The following RPS27L variants were observed in gnomAD, a reference collection of about 807,000 sequenced individuals.
RPS27L encodes ribosomal protein S27 like, also known as ribosomal protein eS27-like.
Under a neutral mutation model 12.8 loss-of-function variants are expected in RPS27L, and 10 were observed. The ratio of observed to expected loss-of-function variants is 0.78; its 90% CI spans 0.48 to 1.33. RPS27L has a LOEUF of 1.33. RPS27L is among the 40% of genes most tolerant of loss of function. RPS27L has a pLI of 0.00. For synonymous variants in RPS27L, 26 were observed against 32.3 expected, an observed-to-expected ratio of 0.81 and a Z score of 0.66; for missense variants, 81 against 97.4, an observed-to-expected ratio of 0.83 and a Z score of 0.71.
At chr15:63,155,598 T>G in intron 3 of RPS27L, 23 bp downstream of exon 3, 1 of 1,449,114 alleles carries the variant, frequency 6.9e-7, no homozygotes, top group Non-Finnish European at 9.6e-7. Context: ...CATCACTGGG[T>G]TGGAGAATGC....
In RPS27L at chr15:63,149,711, C is replaced by T. The variant is rs749865254; in HGVS notation, c.*4321G>A. The T allele has an allele frequency of 3.3e-5, 5 of 152,130 alleles. No individual in the cohort carries two copies. Among genetic ancestry groups the T allele is most frequent in the African/African-American group, 4.8e-5 (2 of 41,420 alleles). 9.4% of individuals were successfully genotyped at this position (152,130 alleles called of 1,614,324 possible). ...TAATGGCCCTCTAAAGATTCCCACA[C>T]CCTAATCCCCAGAACCTACGAATAT... is the stretch of plus-strand genomic sequence containing the variant. On this transcript the variant is annotated 3_prime_UTR_variant, in exon 4 of 4. Transcript: ENST00000330964.
chr15:63,156,539 T>C lies in RPS27L; in HGVS notation c.7-18A>G. 1 of 1,433,308 alleles carries C rather than the reference T, an allele frequency of 7.0e-7. No individual in the cohort carries two copies. Among genetic ancestry groups the C allele is most frequent in the African/African-American group, 1.4e-5 (1 of 71,030 alleles). 88.8% of individuals were successfully genotyped at this position (1,433,308 alleles called of 1,614,324 possible). A position where few individuals can be genotyped will look rare whatever the true frequency, so the allele number is the denominator to read the frequency against. On this transcript the variant is annotated intron_variant, in intron 1 of 3. Transcript: ENST00000330964. ...CTAGCCAACTGAACAAAGAAGCATA[T>C]TATTACTATTAGTTTTAAACCACAA... is the stretch of plus-strand genomic sequence containing the variant.
At position 63,152,486 on chromosome 15, in the gene RPS27L, A is replaced by G. The variant is rs985440141; in HGVS notation, c.*1546T>C. 1 of 124,944 alleles carries G rather than the reference A, an allele frequency of 8.0e-6. No homozygotes were observed. The highest frequency in any genetic ancestry group is 2.8e-5 in the African/African-American group (1 of 35,730). 7.7% of individuals were successfully genotyped at this position (124,944 alleles called of 1,614,324 possible). On this transcript the variant is annotated 3_prime_UTR_variant, in exon 4 of 4. Coordinates refer to ENST00000330964, the MANE Select transcript of RPS27L (RefSeq NM_015920.4). ...CATCTACATATATATGTATATATAT[A>G]TATTTTTTTTTTCTTTTTTTTTTTG... is the stretch of plus-strand genomic sequence containing the variant.
chr15:63,151,415 G>T lies in RPS27L; in HGVS notation c.*2617C>A, dbSNP rs577921608. On this transcript the variant is annotated 3_prime_UTR_variant, in exon 4 of 4. Transcript: ENST00000330964. Reference sequence around the variant, plus strand: ...CGCCCAGCTAATTTTTGTATGTTTAGTAGAGACGGGGTTTCACTGTGTTGG... The same window carrying T: ...CGCCCAGCTAATTTTTGTATGTTTATTAGAGACGGGGTTTCACTGTGTTGG... The T allele has an allele frequency of 2.6e-5, 4 of 152,178 alleles. No homozygotes were observed. Among genetic ancestry groups the T allele is most frequent in the African/African-American group, 9.6e-5 (4 of 41,524 alleles). 9.4% of individuals were successfully genotyped at this position (152,178 alleles called of 1,614,324 possible).
chr15:63,154,111 A>G (rs2037317686), intron 3 of RPS27L, 51 bp from the exon 4 acceptor site: 3 of 1,464,462 alleles, frequency 2.0e-6, no homozygotes, highest in Non-Finnish European at 2.8e-6. Context: ...TACCTTTGCT[A>G]TAATTTTAAT....
At position 63,156,185 on chromosome 15, in the gene RPS27L, C is replaced by T. The variant is rs572479691; in HGVS notation, c.115+228G>A. ...ACTCATCGTCTGAAGAGCTTAAAGA[C>T]TTGCTAAGTCAAATGGCATATCTCC... On this transcript the variant is annotated intron_variant, in intron 2 of 3. Coordinates refer to ENST00000330964, the MANE Select transcript of RPS27L (RefSeq NM_015920.4). Among the ~76,000 whole-genome samples, 25 of 152,360 alleles carry T rather than the reference C, an allele frequency of 1.6e-4. 1 individual carries two copies. In the East Asian group the frequency reaches 4.4e-3, roughly 27 times the overall value.
At chr15:63,156,678 C>G (rs906204795) in intron 1 of RPS27L, 157 bp from the exon 2 acceptor site, 23 of 665,044 alleles carry the variant, frequency 3.5e-5, no homozygotes, top group Non-Finnish European at 5.3e-5. Flanking sequence ...CTGTTAATAA[C>G]TTTCATCAGT....
rs1566997374 is a variant in RPS27L, at chr15:63,154,000, CAA to C, written c.*30_*31del. ...TGATAAGGCTTTCTGTGAGACAACA[CAA>C]AATTAAAATTCAGGAAGCTGTTTGA... On this transcript the variant is annotated 3_prime_UTR_variant, in exon 4 of 4. Coordinates refer to ENST00000330964, the MANE Select transcript of RPS27L (RefSeq NM_015920.4). 6.4e-7 allele frequency: 1 copy of C among 1,556,402 alleles called. No homozygotes were observed. Among genetic ancestry groups the C allele is most frequent in the Non-Finnish European group, 8.8e-7 (1 of 1,131,280 alleles).
chr15:63,156,262 A>C, intron 2 of RPS27L, 151 bp downstream of exon 2: 2 of 564,660 alleles, frequency 3.5e-6, no homozygotes, highest in East Asian at 6.1e-5. Flanking sequence ...TGGTTTCAGT[A>C]CATTTATTAT....
At position 63,155,596 on chromosome 15, in the gene RPS27L, G is replaced by A. The variant is rs767120526; in HGVS notation, c.226+25C>T. On this transcript the variant is annotated intron_variant, in intron 3 of 3. Transcript: ENST00000330964. Reference sequence around the variant, plus strand: ...TTTATAATCATCAATCTCATCACTGGGTTGGAGAATGCCAAATGATATACC... The same window carrying A: ...TTTATAATCATCAATCTCATCACTGAGTTGGAGAATGCCAAATGATATACC... 7.7e-6 allele frequency: 11 copies of A among 1,419,420 alleles called. No homozygotes were observed. In the African/African-American group the frequency reaches 1.0e-4, roughly 13 times the overall value. The allele number at this position is 1,419,420 out of a possible 1,614,324, so 87.9% of individuals were successfully genotyped here. A position where few individuals can be genotyped will look rare whatever the true frequency, so the allele number is the denominator to read the frequency against.
chr15:63,156,756 G>T (rs1057390733), intron 1 of RPS27L: 16 of 596,170 alleles, frequency 2.7e-5, no homozygotes, highest in African/African-American at 2.6e-4. Flanking sequence ...GAAACATATG[G>T]TAAGGCAAAC....
rs1325547833 is a variant in RPS27L at position 63,153,930 on chromosome 15, TG to T, written c.*101del. On this transcript the variant is annotated 3_prime_UTR_variant, in exon 4 of 4. Coordinates refer to ENST00000330964, the MANE Select transcript of RPS27L (RefSeq NM_015920.4). ...CTGCTGTATACCTTACAAAACCAAATGTAATTACATTATCTTGGTAAATTAA... is the reference window on the plus strand; with the variant it reads ...CTGCTGTATACCTTACAAAACCAAATTAATTACATTATCTTGGTAAATTAA... 1.1e-5 allele frequency: 11 copies of T among 1,041,782 alleles called. No individual in the cohort carries two copies. The South Asian group carries it at 1.2e-4, about 11-fold the overall frequency. 64.5% of individuals were successfully genotyped at this position (1,041,782 alleles called of 1,614,324 possible).
intron 1 of RPS27L, 163 bp from the exon 2 acceptor site, chr15:63,156,684 T>G: frequency 1.5e-6 from 1 of 657,304 alleles, no homozygotes; most frequent in East Asian, 2.7e-5. Flanking sequence ...ATAACTTTCA[T>G]CAGTACTTTT....
chr15:63,151,328 G>T lies in RPS27L; in HGVS notation c.*2704C>A, dbSNP rs2141084442. ...GGCTCACTGCAACCTCTGCCTCCTG[G>T]TTTCAAGCAATTCTTGTGCCTCAGC... On this transcript the variant is annotated 3_prime_UTR_variant, in exon 4 of 4. Transcript: ENST00000330964. The T allele has an allele frequency of 6.6e-6, 1 of 152,244 alleles. No individual in the cohort carries two copies. The highest frequency in any genetic ancestry group is 2.4e-5 in the African/African-American group (1 of 41,532). The allele number at this position is 152,244 out of a possible 1,614,324, so 9.4% of individuals were successfully genotyped here. A position where few individuals can be genotyped will look rare whatever the true frequency, so the allele number is the denominator to read the frequency against.
Position 63,155,706 on chromosome 15 carries a change from GA to G in RPS27L, c.140del (p.Phe47SerfsTer11). On this transcript the variant is annotated frameshift_variant, in exon 3 of 4. Coordinates refer to ENST00000330964, the MANE Select transcript of RPS27L (RefSeq NM_015920.4). LOFTEE classifies it high-confidence loss of function. ...CPGCYKITTV[F>X]SHAQTVVLCV... ...AAAGAACCACTGTCTGAGCATGGCT[GA>G]AAACCGTGGTGATCTTGTAGCAACC... is the stretch of plus-strand genomic sequence containing the variant. 6.6e-7 allele frequency: 1 copy of G among 1,518,276 alleles called. No homozygotes were observed. The allele number at this position is 1,518,276 out of a possible 1,614,324, so 94.1% of individuals were successfully genotyped here. A position where few individuals can be genotyped will look rare whatever the true frequency, so the allele number is the denominator to read the frequency against.
intron 1 of RPS27L, 150 bp from the exon 2 acceptor site, chr15:63,156,671 T>G: frequency 1.5e-6 from 1 of 668,892 alleles, no homozygotes; most frequent in Non-Finnish European, 2.6e-6. Flanking sequence ...TCGAAACCTG[T>G]TAATAACTTT....
chr15:63,154,152 A>G, intron 3 of RPS27L, 92 bp from the exon 4 acceptor site: 1 of 1,011,782 alleles, frequency 9.9e-7, no homozygotes. Context: ...AAAATACTGA[A>G]GTTTTAAGAA....
Position 63,152,349 on chromosome 15 carries a change from C to A in RPS27L, c.*1683G>T, listed in dbSNP as rs190773672. On this transcript the variant is annotated 3_prime_UTR_variant, in exon 4 of 4. Transcript: ENST00000330964. ...CAAATGGCTACTAGAGTTGTTAGAA[C>A]ATAAGTTAATAAATGTAACTGTTAG... is the stretch of plus-strand genomic sequence containing the variant. 1 of 151,998 alleles carries A rather than the reference C, an allele frequency of 6.6e-6. No homozygotes were observed. Among genetic ancestry groups the A allele is most frequent in the East Asian group, 1.9e-4 (1 of 5,180 alleles). 9.4% of individuals were successfully genotyped at this position (151,998 alleles called of 1,614,324 possible). A position where few individuals can be genotyped will look rare whatever the true frequency, so the allele number is the denominator to read the frequency against.
rs896122680 is a variant in RPS27L, at chr15:63,151,054, A to G, written c.*2978T>C. 7.9e-5 allele frequency: 12 copies of G among 152,242 alleles called. No homozygotes were observed. Among genetic ancestry groups the G allele is most frequent in the Non-Finnish European group, 1.3e-4 (9 of 68,042 alleles). 9.4% of individuals were successfully genotyped at this position (152,242 alleles called of 1,614,324 possible). A position where few individuals can be genotyped will look rare whatever the true frequency, so the allele number is the denominator to read the frequency against. ...TTTACAAATATATTTACATTAAAAT[A>G]TGAAGTCAATATAAATAATATTTAA... On this transcript the variant is annotated 3_prime_UTR_variant, in exon 4 of 4. Transcript: ENST00000330964.
Sources: gnomAD v4.1 joint callset for allele counts (sites outside exome capture counted in the v4.1 genomes callset) on GRCh38, gnomAD v4.1.1 for gene constraint, MANE v1.5 for transcripts, NCBI Gene and HGNC (gene_info 2026-07-23, HGNC 2026-07-21) for gene names.